Variants in MRPL35 observed in about 807,000 individuals in gnomAD.
MRPL35 encodes large ribosomal subunit protein bL35m.
Under a neutral mutation model 21.6 loss-of-function variants are expected in MRPL35, and 18 were observed. That is an observed-to-expected ratio of 0.83 (90% CI 0.58 to 1.24). The LOEUF (loss-of-function observed/expected upper bound fraction) is 1.24. Among genes scored for constraint, MRPL35 ranks in the 50% most tolerant of loss-of-function variants. MRPL35 has a pLI of 0.00. For missense variants in MRPL35, 223 were observed against 223.2 expected (o/e 1.00, Z 0.01); for synonymous variants, 87 against 86.9 (o/e 1.00, Z -0.01).
rs760020209 is a variant in MRPL35 at position 86,212,454 on chromosome 2, C to T, written c.*1786C>T. Reference sequence around the variant, plus strand: ...GCAAAGCCAACCACTTAGAAGCCTTCCACATCTTTGTCACCTGCCTGGCTC... The same window carrying T: ...GCAAAGCCAACCACTTAGAAGCCTTTCACATCTTTGTCACCTGCCTGGCTC... On this transcript the variant is annotated 3_prime_UTR_variant, in exon 4 of 4. Coordinates refer to ENST00000337109, the MANE Select transcript of MRPL35 (RefSeq NM_016622.4). 8.1e-6 allele frequency: 13 copies of T among 1,613,718 alleles called. No homozygotes were observed. Among genetic ancestry groups the T allele is most frequent in the Non-Finnish European group, 1.1e-5 (13 of 1,179,812 alleles).
chr2:86,212,205 A>G lies in MRPL35; in HGVS notation c.*1537A>G. On this transcript the variant is annotated 3_prime_UTR_variant, in exon 4 of 4. Coordinates refer to ENST00000337109, the MANE Select transcript of MRPL35 (RefSeq NM_016622.4). ...AATTATGAAATTGAAGTTCTGCAGC[A>G]TGTCAGGCCAGGATTATTAGGGAGA... is the stretch of plus-strand genomic sequence containing the variant. The G allele has an allele frequency of 7.6e-7, 1 of 1,310,678 alleles. No homozygotes were observed. The highest frequency in any genetic ancestry group is 9.7e-7 in the Non-Finnish European group (1 of 1,029,758). The allele number at this position is 1,310,678 out of a possible 1,614,324, so 81.2% of individuals were successfully genotyped here.
Position 86,211,744 on chromosome 2 carries a change from T to G in MRPL35, c.*1076T>G. On this transcript the variant is annotated 3_prime_UTR_variant, in exon 4 of 4. Transcript: ENST00000337109. ...GTGCAGTGGTGCAATCATAGCTCAT[T>G]GAAGCCTCGCACTCCTGGGCTCAAG... 1.0e-6 allele frequency: 1 copy of G among 983,148 alleles called. No homozygotes were observed. 60.9% of individuals were successfully genotyped at this position (983,148 alleles called of 1,614,324 possible).
chr2:86,211,167 C>CT lies in MRPL35; in HGVS notation c.*504dup, dbSNP rs1673895919. ...GGCTCTGCATGCATGTGACTTGCTT[C>CT]TTTTTGCATTGTTAACTCCATTCTC... On this transcript the variant is annotated 3_prime_UTR_variant, in exon 4 of 4. Transcript: ENST00000337109. The CT allele has an allele frequency of 1.0e-6, 1 of 985,226 alleles. No individual in the cohort carries two copies. The highest frequency in any genetic ancestry group is 6.1e-5 in the Admixed American group (1 of 16,300). The allele number at this position is 985,226 out of a possible 1,614,324, so 61.0% of individuals were successfully genotyped here.
chr2:86,206,113 A>G lies in MRPL35; in HGVS notation c.51A>G (p.Leu17=). ...ATGCTCCTATCTTTACAGGAATCCT[A>G]CGGCCCCTGAATATTTTGGCATCTT... ...AGAVRAASGI[L]RPLNILASST... is the part of the protein sequence containing the mutation. The change falls in exon 2 of 4, where the codon CTA becomes CTG. Residue 17 remains leucine, a synonymous_variant. Coordinates refer to ENST00000337109, the MANE Select transcript of MRPL35 (RefSeq NM_016622.4). 6 of 1,608,946 alleles carry G rather than the reference A, an allele frequency of 3.7e-6. No individual in the cohort carries two copies. Among genetic ancestry groups the G allele is most frequent in the Non-Finnish European group, 5.1e-6 (6 of 1,175,618 alleles).
chr2:86,211,784 C>T lies in MRPL35; in HGVS notation c.*1116C>T, dbSNP rs1573973906. 1.0e-6 allele frequency: 1 copy of T among 985,202 alleles called. No homozygotes were observed. Among genetic ancestry groups the T allele is most frequent in the East Asian group, 1.1e-4 (1 of 8,822 alleles). The allele number at this position is 985,202 out of a possible 1,614,324, so 61.0% of individuals were successfully genotyped here. A position where few individuals can be genotyped will look rare whatever the true frequency, so the allele number is the denominator to read the frequency against. On this transcript the variant is annotated 3_prime_UTR_variant, in exon 4 of 4. Coordinates refer to ENST00000337109, the MANE Select transcript of MRPL35 (RefSeq NM_016622.4). ...CTGGGCTCAAGTGGTCCTCCTGCCTCAGCTTACTGAGTAAGGATATGTATT... is the reference window on the plus strand; with the variant it reads ...CTGGGCTCAAGTGGTCCTCCTGCCTTAGCTTACTGAGTAAGGATATGTATT...
Position 86,212,967 on chromosome 2 carries a change from A to G in MRPL35, c.*2299A>G. The G allele has an allele frequency of 1.5e-6, 1 of 684,364 alleles. No individual in the cohort carries two copies. The highest frequency in any genetic ancestry group is 1.8e-6 in the Non-Finnish European group (1 of 555,340). The allele number at this position is 684,364 out of a possible 1,614,324, so 42.4% of individuals were successfully genotyped here. ...TATCTACAAAACTGGGTACATACAT[A>G]CTGTCTAACTGCTAATCCACATTTC... is the stretch of plus-strand genomic sequence containing the variant. On this transcript the variant is annotated 3_prime_UTR_variant, in exon 4 of 4. Coordinates refer to ENST00000337109, the MANE Select transcript of MRPL35 (RefSeq NM_016622.4).
intron 1 of MRPL35, among the ~76,000 whole-genome samples, chr2:86,205,087 A>G (rs1673764653): frequency 6.6e-6 from 1 of 152,052 alleles, no homozygotes; most frequent in Non-Finnish European, 1.5e-5. Flanking sequence ...AAAATTAGGC[A>G]TGGTGGCACA....
rs938372706 is a variant in MRPL35 at position 86,211,937 on chromosome 2, G to T, written c.*1269G>T. ...AAGTAATCTCAGTTGTTTTAGAAAC[G>T]AAAAAGTTAAGCATTGTTTACTTGA... On this transcript the variant is annotated 3_prime_UTR_variant, in exon 4 of 4. Transcript: ENST00000337109. The T allele has an allele frequency of 1.0e-6, 1 of 985,824 alleles. No individual in the cohort carries two copies. The highest frequency in any genetic ancestry group is 1.7e-5 in the African/African-American group (1 of 57,362). 61.1% of individuals were successfully genotyped at this position (985,824 alleles called of 1,614,324 possible).
At position 86,211,598 on chromosome 2, in the gene MRPL35, T is replaced by C. The variant is rs977540502; in HGVS notation, c.*930T>C. 6 of 985,344 alleles carry C rather than the reference T, an allele frequency of 6.1e-6. No homozygotes were observed. In the African/African-American group the frequency reaches 1.0e-4, roughly 17 times the overall value. 61.0% of individuals were successfully genotyped at this position (985,344 alleles called of 1,614,324 possible). Reference sequence around the variant, plus strand: ...TAGGAGAGTAAATAGCCCTTCAGCATGCTCATTCATGAAACAGAAGAGGCT... The same window carrying C: ...TAGGAGAGTAAATAGCCCTTCAGCACGCTCATTCATGAAACAGAAGAGGCT... On this transcript the variant is annotated 3_prime_UTR_variant, in exon 4 of 4. Transcript: ENST00000337109.
Position 86,212,931 on chromosome 2 carries a change from A to G in MRPL35, c.*2263A>G, listed in dbSNP as rs1181588470. The stretch of plus-strand genomic sequence containing the variant: ...ATGTATAATTTATTGAACACCTACT[A>G]TGTCCCAGCATATCTACAAAACTGG... On this transcript the variant is annotated 3_prime_UTR_variant, in exon 4 of 4. Coordinates refer to ENST00000337109, the MANE Select transcript of MRPL35 (RefSeq NM_016622.4). 3 of 720,028 alleles carry G rather than the reference A, an allele frequency of 4.2e-6. No homozygotes were observed. Among genetic ancestry groups the G allele is most frequent in the Non-Finnish European group, 5.1e-6 (3 of 588,002 alleles). The allele number at this position is 720,028 out of a possible 1,614,324, so 44.6% of individuals were successfully genotyped here. A position where few individuals can be genotyped will look rare whatever the true frequency, so the allele number is the denominator to read the frequency against.
At chr2:86,201,743 A>G (rs1673689633) in intron 1 of MRPL35, among the ~76,000 whole-genome samples, 2 of 152,166 alleles carry the variant, frequency 1.3e-5, no homozygotes, top group Admixed American at 6.5e-5. Flanking sequence ...TAGTTTTTCA[A>G]AATTCTTTTA....
intron 1 of MRPL35, among the ~76,000 whole-genome samples, chr2:86,201,970 T>C (rs1673694272): frequency 1.3e-5 from 2 of 152,248 alleles, no homozygotes; most frequent in African/African-American, 4.8e-5. Context: ...GTTACCTCTT[T>C]TGTGAAAACA....
intron 1 of MRPL35, among the ~76,000 whole-genome samples, chr2:86,204,222 G>C (rs958680893): frequency 6.6e-6 from 1 of 152,026 alleles, no homozygotes; most frequent in African/African-American, 2.4e-5. Context: ...GATCTCAGGT[G>C]ATCCGCCTGC....
Position 86,211,116 on chromosome 2 carries a change from C to G in MRPL35, c.*448C>G, listed in dbSNP as rs1673894683. On this transcript the variant is annotated 3_prime_UTR_variant, in exon 4 of 4. Transcript: ENST00000337109. ...GTAGAAATTGGGTGGTGCTCCTCAG[C>G]AGGGGAAGGTGGATGTTTAGGCTTG... The G allele has an allele frequency of 4.1e-6, 4 of 987,286 alleles. No homozygotes were observed. Among genetic ancestry groups the G allele is most frequent in the Non-Finnish European group, 4.8e-6 (4 of 831,304 alleles). The allele number at this position is 987,286 out of a possible 1,614,324, so 61.2% of individuals were successfully genotyped here. A position where few individuals can be genotyped will look rare whatever the true frequency, so the allele number is the denominator to read the frequency against.
chr2:86,213,242 C>G lies in MRPL35; in HGVS notation c.*2574C>G. The G allele has an allele frequency of 9.7e-7, 1 of 1,030,488 alleles. No individual in the cohort carries two copies. Among genetic ancestry groups the G allele is most frequent in the Non-Finnish European group, 1.2e-6 (1 of 859,696 alleles). 63.8% of individuals were successfully genotyped at this position (1,030,488 alleles called of 1,614,324 possible). A position where few individuals can be genotyped will look rare whatever the true frequency, so the allele number is the denominator to read the frequency against. On this transcript the variant is annotated 3_prime_UTR_variant, in exon 4 of 4. Transcript: ENST00000337109. ...ACTTCTTCATAACACTGTACCAATT[C>G]AGCTTTTAAATTTTATTACTTTGCT... is the stretch of plus-strand genomic sequence containing the variant.
intron 2 of MRPL35, 95 bp from the exon 3 acceptor site, chr2:86,207,088 T>C (rs1673812715): frequency 2.4e-6 from 3 of 1,251,694 alleles, no homozygotes; most frequent in South Asian, 2.9e-5. Flanking sequence ...TTCCAGTCCA[T>C]TGGAGCAGCT....
In MRPL35 at chr2:86,212,120, T is replaced by C. The variant is rs1673913241; in HGVS notation, c.*1452T>C. 8.2e-7 allele frequency: 1 copy of C among 1,212,418 alleles called. No individual in the cohort carries two copies. The highest frequency in any genetic ancestry group is 4.4e-5 in the East Asian group (1 of 22,978). The allele number at this position is 1,212,418 out of a possible 1,614,324, so 75.1% of individuals were successfully genotyped here. A position where few individuals can be genotyped will look rare whatever the true frequency, so the allele number is the denominator to read the frequency against. ...AATAGAATTATGCATGAATTACTGT[T>C]TCAGATCCTTTAATGTGGTAGTTGG... is the stretch of plus-strand genomic sequence containing the variant. On this transcript the variant is annotated 3_prime_UTR_variant, in exon 4 of 4. Coordinates refer to ENST00000337109, the MANE Select transcript of MRPL35 (RefSeq NM_016622.4).
chr2:86,207,438 A>G, intron 3 of MRPL35, 111 bp downstream of exon 3: 1 of 1,251,012 alleles, frequency 8.0e-7, no homozygotes, highest in South Asian at 1.6e-5. Context: ...CAGGAGTTCA[A>G]GACCAGCTTG....
Position 86,212,908 on chromosome 2 carries a change from G to A in MRPL35, c.*2240G>A. ...GTATAGTTTGTTTATTCAGGTATAT[G>A]TATAATTTATTGAACACCTACTATG... On this transcript the variant is annotated 3_prime_UTR_variant, in exon 4 of 4. Transcript: ENST00000337109. 1 of 815,112 alleles carries A rather than the reference G, an allele frequency of 1.2e-6. No homozygotes were observed. Among genetic ancestry groups the A allele is most frequent in the Non-Finnish European group, 1.5e-6 (1 of 674,594 alleles). The allele number at this position is 815,112 out of a possible 1,614,324, so 50.5% of individuals were successfully genotyped here.
Sources: allele counts gnomAD v4.1 joint callset (sites outside exome capture counted in the v4.1 genomes callset), GRCh38; gene constraint gnomAD v4.1.1; transcripts MANE v1.5; gene names NCBI Gene and HGNC (gene_info 2026-07-23, HGNC 2026-07-21).